Variants in ARB2A observed in about 807,000 individuals in gnomAD.
ARB2A encodes the protein ARB2 cotranscriptional regulator A.
chr5:93,998,733 G>A, the ARB2A span, among the ~76,000 whole-genome samples: 13 of 151,988 alleles, frequency 8.6e-5, no homozygotes, highest in Non-Finnish European at 1.6e-4. Flanking sequence ...GTAACAGTGA[G>A]GATGACTAAA....
chr5:93,696,358 A>G, the ARB2A span, among the ~76,000 whole-genome samples: 7 of 152,152 alleles, frequency 4.6e-5, no homozygotes, highest in African/African-American at 1.7e-4. Context: ...GTTCATGCTG[A>G]CAACCCTAGT....
the ARB2A span, among the ~76,000 whole-genome samples, chr5:93,679,152 A>C: frequency 6.6e-6 from 1 of 152,220 alleles, no homozygotes; most frequent in Non-Finnish European, 1.5e-5. Flanking sequence ...ACTGTACTTT[A>C]AGCCTATATC....
the ARB2A span, among the ~76,000 whole-genome samples, chr5:93,873,491 T>C: frequency 6.6e-6 from 1 of 152,046 alleles, no homozygotes; most frequent in Non-Finnish European, 1.5e-5. Flanking sequence ...AAAAATCTAC[T>C]GTGTTTACTA....
the ARB2A span, among the ~76,000 whole-genome samples, chr5:94,024,921 C>G: frequency 1.3e-5 from 2 of 152,004 alleles, no homozygotes; most frequent in African/African-American, 2.4e-5. Flanking sequence ...GGGACTGGGA[C>G]AAGAGGGAGG....
the ARB2A span, among the ~76,000 whole-genome samples, chr5:94,038,767 C>T: frequency 3.3e-5 from 5 of 150,612 alleles, no homozygotes; most frequent in African/African-American, 4.9e-5. Flanking sequence ...TATATAGTAG[C>T]GCTCAGCTAA....
At chr5:93,619,729 C>T in the ARB2A span, 2 of 152,162 alleles carry the variant, frequency 1.3e-5, no homozygotes, top group Admixed American at 6.5e-5. Context: ...ACCTTAACAT[C>T]TCCTGTATTT....
the ARB2A span, among the ~76,000 whole-genome samples, chr5:93,998,452 A>G: frequency 6.6e-6 from 1 of 152,016 alleles, no homozygotes; most frequent in East Asian, 1.9e-4. Flanking sequence ...GGCTCATGTC[A>G]GATATATTTG....
the ARB2A span, among the ~76,000 whole-genome samples, chr5:93,782,288 T>C: frequency 6.6e-6 from 1 of 152,192 alleles, no homozygotes; most frequent in African/African-American, 2.4e-5. Flanking sequence ...TCATCCTTGA[T>C]TATCACCTTT....
chr5:93,958,093 T>C, the ARB2A span, among the ~76,000 whole-genome samples: 1 of 152,038 alleles, frequency 6.6e-6, no homozygotes, highest in Non-Finnish European at 1.5e-5. Context: ...ATGCCAATAT[T>C]ATGTCAGAAA....
the ARB2A span, chr5:93,683,482 C>T: frequency 1.3e-6 from 2 of 1,588,872 alleles, no homozygotes; most frequent in Non-Finnish European, 1.7e-6. Context: ...CAGACATTTT[C>T]AAAGTTGCCA....
chr5:93,736,525 C>T, the ARB2A span: 3 of 152,048 alleles, frequency 2.0e-5, no homozygotes, highest in Non-Finnish European at 1.5e-5. Flanking sequence ...GTCATTTACT[C>T]TTACACAAAG....
the ARB2A span, among the ~76,000 whole-genome samples, chr5:93,955,068 T>C: frequency 3.3e-3 from 498 of 152,318 alleles, 3 homozygotes; most frequent in African/African-American, 0.011. Context: ...AGAGTGTCTT[T>C]CTTACCCTCT....
the ARB2A span, among the ~76,000 whole-genome samples, chr5:93,834,207 A>G: frequency 2.0e-5 from 3 of 152,208 alleles, no homozygotes; most frequent in Admixed American, 1.3e-4. Context: ...GTTTGCTACT[A>G]ACTGAAGAAA....
At chr5:93,752,438 T>A in the ARB2A span, among the ~76,000 whole-genome samples, 4 of 152,184 alleles carry the variant, frequency 2.6e-5, no homozygotes, top group Admixed American at 6.5e-5. Context: ...GTTAAAAAAA[T>A]TTTTTATCTT....
chr5:93,993,435 C>T, the ARB2A span, among the ~76,000 whole-genome samples: 2 of 152,094 alleles, frequency 1.3e-5, no homozygotes, highest in Non-Finnish European at 2.9e-5. Flanking sequence ...ATTAAACCCA[C>T]AGACAGGCTA....
chr5:93,887,145 G>A, the ARB2A span, among the ~76,000 whole-genome samples: 1 of 151,510 alleles, frequency 6.6e-6, no homozygotes, highest in African/African-American at 2.4e-5. Flanking sequence ...GAGTCAGAAG[G>A]TCATGCATGG....
the ARB2A span, among the ~76,000 whole-genome samples, chr5:93,992,240 G>C: frequency 6.6e-6 from 1 of 151,984 alleles, no homozygotes; most frequent in Non-Finnish European, 1.5e-5. Flanking sequence ...TTAATTGCCA[G>C]CAGACTGGTA....
chr5:94,048,370 T>C, the ARB2A span, among the ~76,000 whole-genome samples: 7 of 152,068 alleles, frequency 4.6e-5, no homozygotes, highest in African/African-American at 1.4e-4. Flanking sequence ...CTTTTTTTAA[T>C]GTGCAGCAGA....
the ARB2A span, among the ~76,000 whole-genome samples, chr5:93,955,167 T>G: frequency 6.6e-6 from 1 of 152,192 alleles, no homozygotes. Flanking sequence ...CTTTTTTGTA[T>G]GTGGATGTTG....
Sources: gnomAD v4.1 joint callset for allele counts (sites outside exome capture counted in the v4.1 genomes callset) on GRCh38, gnomAD v4.1.1 for gene constraint, MANE v1.5 for transcripts, NCBI Gene and HGNC (gene_info 2026-07-23, HGNC 2026-07-21) for gene names.